The following LRP2 variants were observed in gnomAD, a reference collection of about 807,000 sequenced individuals.
The protein encoded by LRP2 is LDL receptor related protein 2, also known as low-density lipoprotein receptor-related protein 2.
Under a neutral mutation model 531.0 loss-of-function variants are expected in LRP2, and 172 were observed. That is an observed-to-expected ratio of 0.32 (90% confidence interval 0.29 to 0.37). The LOEUF (loss-of-function observed/expected upper bound fraction) is 0.37. Ranked by LOEUF, LRP2 falls within the 10% of genes least tolerant of loss-of-function variation. The pLI, the probability that LRP2 is intolerant of heterozygous loss-of-function variation, is 1.00. For synonymous variants in LRP2, 1,992 were observed against 2,027.6 expected (o/e 0.98, Z 0.47); for missense variants, 5,167 against 5,868.3 (o/e 0.88, Z 3.90).
At chr2:169,199,978 C>T (rs1408029551) in intron 44 of LRP2, among the ~76,000 whole-genome samples, 2 of 152,178 alleles carry the variant, frequency 1.3e-5, no homozygotes, top group Non-Finnish European at 2.9e-5. Context: ...TGGCCGGGTG[C>T]AGTGGCTCAC....
At chr2:169,262,985 G>A (rs1690632722) in intron 16 of LRP2, among the ~76,000 whole-genome samples, 1 of 152,108 alleles carries the variant, frequency 6.6e-6, no homozygotes, top group South Asian at 2.1e-4. Flanking sequence ...GAGAAAAAAA[G>A]CAATGGGGAA....
At chr2:169,220,158 A>G (rs1391803033) in intron 34 of LRP2, among the ~76,000 whole-genome samples, 3 of 152,172 alleles carry the variant, frequency 2.0e-5, no homozygotes, top group African/African-American at 4.8e-5. Context: ...CAAAGTCAGA[A>G]TATATTGTCA....
chr2:169,177,488 C>T (rs1194080390), intron 53 of LRP2, among the ~76,000 whole-genome samples: 1 of 151,880 alleles, frequency 6.6e-6, no homozygotes, highest in Non-Finnish European at 1.5e-5. Context: ...TTCAGTCTTC[C>T]CATAGAAATA....
At chr2:169,259,797 C>G (rs1008513001) in intron 16 of LRP2, among the ~76,000 whole-genome samples, 6 of 151,582 alleles carry the variant, frequency 4.0e-5, no homozygotes, top group African/African-American at 1.2e-4. Context: ...TTTCTTTTAC[C>G]CTCTTTTTTC....
At chr2:169,145,608 G>A (rs1574069808) in intron 70 of LRP2, 139 bp downstream of exon 70, 3 of 820,586 alleles carry the variant, frequency 3.7e-6, no homozygotes, top group African/African-American at 1.7e-5. Context: ...CCCAGCAAAC[G>A]TACATACACA....
In LRP2 at chr2:169,280,539, G is replaced by C. The variant is rs1437978350; in HGVS notation, c.1172-20C>G. ...CGCCAACTAAATGCGAAGAAGGAAG[G>C]CATCACCACTCCTTCAGATGAGCAA... On this transcript the variant is annotated intron_variant, in intron 10 of 78. Transcript: ENST00000649046. 8 of 1,612,726 alleles carry C rather than the reference G, an allele frequency of 5.0e-6. No individual in the cohort carries two copies. The highest frequency in any genetic ancestry group is 2.7e-5 in the African/African-American group (2 of 74,918).
At position 169,173,996 on chromosome 2, in the gene LRP2, C is replaced by T. The variant is rs142549310; in HGVS notation, c.10937G>A (p.Arg3646His). 4,055 of 1,614,204 alleles carry T rather than the reference C, an allele frequency of 2.5e-3. 15 individuals are homozygous for T. The highest frequency in any genetic ancestry group is 2.7e-3 in the Non-Finnish European group (3,161 of 1,180,032). The change falls in exon 56 of 79, where the codon CGC becomes CAC. Residue 3646 changes from arginine (R) to histidine (H), a missense_variant. Arg to His is a conservative substitution (Grantham distance 29). This residue lies in a region of LRP2 where 311 missense variants were observed against 309.4 expected (regional missense o/e 1.01). Transcript: ENST00000649046. ...RPGQFRCANG[R>H]CIPQAWKCDV... ...ACACTTCCAGGCCTGCGGGATGCAG[C>T]GGCCATTAGCACACCGAAACTGGCC...
chr2:169,226,271 C>T (rs13383187), intron 32 of LRP2, 151 bp downstream of exon 32: 4 of 650,618 alleles, frequency 6.1e-6, no homozygotes, highest in African/African-American at 5.5e-5. Context: ...CACATATATA[C>T]CCCTCATTGA....
intron 1 of LRP2, among the ~76,000 whole-genome samples, chr2:169,329,759 G>C (rs1196781159): frequency 1.3e-5 from 2 of 152,174 alleles, no homozygotes; most frequent in African/African-American, 4.8e-5. Flanking sequence ...CCCTCCAGCT[G>C]CCCCAGAAGC....
intron 4 of LRP2, among the ~76,000 whole-genome samples, chr2:169,295,519 A>T (rs1684113398): frequency 6.6e-6 from 1 of 152,140 alleles, no homozygotes; most frequent in African/African-American, 2.4e-5. Context: ...TACTTGCCAG[A>T]CTTGGACCAC....
intron 33 of LRP2, 53 bp downstream of exon 33, chr2:169,225,257 T>C: frequency 1.9e-6 from 3 of 1,578,868 alleles, no homozygotes; most frequent in East Asian, 2.2e-5. Context: ...GAGACTAGAG[T>C]TTACATCAAT....
At chr2:169,349,472 A>G (rs1685786472) in intron 1 of LRP2, among the ~76,000 whole-genome samples, 1 of 152,136 alleles carries the variant, frequency 6.6e-6, no homozygotes, top group African/African-American at 2.4e-5. Flanking sequence ...GTGAAGGCCA[A>G]ATGGTTAGGG....
chr2:169,215,739 C>A (rs1242318973), intron 35 of LRP2, among the ~76,000 whole-genome samples: 2 of 146,896 alleles, frequency 1.4e-5, no homozygotes, highest in East Asian at 2.0e-4. Flanking sequence ...AATATATATT[C>A]TATATCTATA....
intron 18 of LRP2, 79 bp downstream of exon 18, chr2:169,257,045 A>G: frequency 1.3e-6 from 2 of 1,559,426 alleles, no homozygotes; most frequent in Non-Finnish European, 8.8e-7. Flanking sequence ...TCCTTACACC[A>G]TCATATCACC....
At chr2:169,176,681 A>C in intron 53 of LRP2, 93 bp from the exon 54 acceptor site, 1 of 1,085,492 alleles carries the variant, frequency 9.2e-7, no homozygotes, top group Non-Finnish European at 1.4e-6. Context: ...TAAACTCATC[A>C]CCTCTTAGTA....
rs761720521 is a variant in LRP2, at chr2:169,225,397, T to C, written c.5451A>G (p.Ile1817Met). ...DGTNRTVFAS[I>M]SMVGPSMNLA... is the part of the protein sequence containing the mutation. Reference sequence around the variant, plus strand: ...GGTTCATAGAAGGCCCCACCATAGATATAGAAGCAAATACTGTCCTGTTGG... The same window carrying C: ...GGTTCATAGAAGGCCCCACCATAGACATAGAAGCAAATACTGTCCTGTTGG... Residue 1817 changes from isoleucine to methionine, a missense_variant, in exon 33 of 79, where the codon ATA (isoleucine) becomes ATG (methionine). This residue lies in a region of LRP2 where 2,811 missense variants were observed against 3,058.0 expected (regional missense o/e 0.92). Coordinates refer to ENST00000649046, the MANE Select transcript of LRP2 (RefSeq NM_004525.3). The C allele has an allele frequency of 1.1e-5, 17 of 1,613,888 alleles. No homozygotes were observed. Among genetic ancestry groups the C allele is most frequent in the East Asian group, 2.2e-5 (1 of 44,876 alleles).
chr2:169,225,055 C>G (rs1168015107), intron 33 of LRP2, among the ~76,000 whole-genome samples: 1 of 151,838 alleles, frequency 6.6e-6, no homozygotes, highest in Non-Finnish European at 1.5e-5. Context: ...CTTGCCACTG[C>G]ACTCCAGCCT....
intron 66 of LRP2, among the ~76,000 whole-genome samples, chr2:169,153,687 C>G (rs929767791): frequency 6.6e-6 from 1 of 152,018 alleles, no homozygotes; most frequent in Non-Finnish European, 1.5e-5. Context: ...TTCAGAGAAT[C>G]GTTACAATTA....
intron 50 of LRP2, among the ~76,000 whole-genome samples, chr2:169,184,389 T>C (rs892101843): frequency 6.6e-6 from 1 of 152,148 alleles, no homozygotes; most frequent in Non-Finnish European, 1.5e-5. Flanking sequence ...AAGCCAACTG[T>C]CCCCACCCAT....
Sources: gnomAD v4.1 joint callset for allele counts (sites outside exome capture counted in the v4.1 genomes callset) on GRCh38, gnomAD v4.1.1 for gene constraint, gnomAD v4.1.1 regional missense constraint, MANE v1.5 for transcripts, NCBI Gene and HGNC (gene_info 2026-07-23, HGNC 2026-07-21) for gene names.